The following RFPL1 variants were observed in gnomAD, a reference collection of about 807,000 sequenced individuals.
The protein encoded by RFPL1 is ret finger protein like 1.
In RFPL1, 6 loss-of-function variants were observed where a neutral mutation model predicts 9.6. The observed-to-expected ratio is 0.62, with a 90% CI of 0.34 to 1.23. RFPL1 has a LOEUF of 1.23. Ranked by LOEUF, RFPL1 falls within the 50% of genes most tolerant of loss-of-function variation. The probability of loss-of-function intolerance (pLI) is 0.03; values close to 1 mark genes in which losing one functional copy is unlikely to be tolerated. For synonymous variants in RFPL1, 145 were observed against 149.4 expected (o/e 0.97, Z 0.22); for missense variants, 352 against 398.4 (o/e 0.88, Z 0.99).
chr22:29,441,802 G>A (rs780304763), exon 2 of RFPL1: 12 of 1,613,882 alleles, frequency 7.4e-6, no homozygotes, highest in African/African-American at 2.7e-5. Context: ...TCTGACCACA[G>A]AGCGTGGATT....
At chr22:29,431,092 C>T in the RFPL1 span, among the ~76,000 whole-genome samples, 2 of 151,988 alleles carry the variant, frequency 1.3e-5, no homozygotes, top group African/African-American at 2.4e-5. Flanking sequence ...ATAAAAACCC[C>T]TTGTAAGTGG....
chr22:29,413,454 T>C, the RFPL1 span, among the ~76,000 whole-genome samples: 1 of 152,224 alleles, frequency 6.6e-6, no homozygotes, highest in African/African-American at 2.4e-5. Flanking sequence ...TTATTTTAAA[T>C]GTAGGGACAT....
chr22:29,402,269 T>G, the RFPL1 span, among the ~76,000 whole-genome samples: 1 of 152,232 alleles, frequency 6.6e-6, no homozygotes, highest in Non-Finnish European at 1.5e-5. Flanking sequence ...GTTAAATTAG[T>G]ATACCACAGC....
At chr22:29,424,887 T>C in the RFPL1 span, among the ~76,000 whole-genome samples, 1 of 131,990 alleles carries the variant, frequency 7.6e-6, no homozygotes, top group Non-Finnish European at 1.6e-5. Context: ...ATCCTATCTG[T>C]AGTTTTTATA....
chr22:29,430,472 C>T, the RFPL1 span, among the ~76,000 whole-genome samples: 12 of 152,106 alleles, frequency 7.9e-5, no homozygotes, highest in South Asian at 2.5e-3. Context: ...GTAATGGAAA[C>T]AGTAAAATTA....
chr22:29,413,275 T>C, the RFPL1 span, among the ~76,000 whole-genome samples: 1 of 152,076 alleles, frequency 6.6e-6, no homozygotes, highest in Non-Finnish European at 1.5e-5. Flanking sequence ...CACATGTTTA[T>C]ACAGCTCGAG....
At chr22:29,422,430 T>C in the RFPL1 span, among the ~76,000 whole-genome samples, 2 of 152,034 alleles carry the variant, frequency 1.3e-5, no homozygotes, top group Non-Finnish European at 2.9e-5. Context: ...AATACAAAAT[T>C]AGCCAGGCAT....
At chr22:29,391,782 C>T in the RFPL1 span, among the ~76,000 whole-genome samples, 5 of 152,206 alleles carry the variant, frequency 3.3e-5, no homozygotes, top group East Asian at 1.9e-4. Flanking sequence ...CCCACCCCCA[C>T]GCCCAGTGCA....
chr22:29,428,585 A>G, the RFPL1 span, among the ~76,000 whole-genome samples: 1 of 152,246 alleles, frequency 6.6e-6, no homozygotes, highest in African/African-American at 2.4e-5. Context: ...AGGATGGACC[A>G]CATGTTAGGT....
At chr22:29,425,865 CCTGGGCCACAGAG>C in the RFPL1 span, among the ~76,000 whole-genome samples, 1 of 151,754 alleles carries the variant, frequency 6.6e-6, no homozygotes. Context: ...TGCACCCCAT[CCTGGGCCACAGAG>C]CAAGACTTCA....
At chr22:29,401,338 T>C in the RFPL1 span, among the ~76,000 whole-genome samples, 1 of 152,236 alleles carries the variant, frequency 6.6e-6, no homozygotes, top group Non-Finnish European at 1.5e-5. Context: ...GTGTTACTTT[T>C]GAAAACATGA....
chr22:29,438,821 C>G (rs1172348840), exon 1 of RFPL1: 2 of 1,613,884 alleles, frequency 1.2e-6, no homozygotes, highest in Non-Finnish European at 1.7e-6. Context: ...TCACAACTAA[C>G]AGGCTTTCAC....
At chr22:29,422,736 T>G in the RFPL1 span, among the ~76,000 whole-genome samples, 9 of 151,432 alleles carry the variant, frequency 5.9e-5, no homozygotes, top group Non-Finnish European at 1.3e-4. Flanking sequence ...AGAGTGAAAC[T>G]CCATCTCAAA....
At chr22:29,412,749 G>A in the RFPL1 span, among the ~76,000 whole-genome samples, 8 of 152,128 alleles carry the variant, frequency 5.3e-5, no homozygotes, top group Non-Finnish European at 1.2e-4. Flanking sequence ...GTGCAGGTGT[G>A]GAAAGGTTTT....
At chr22:29,419,715 ATTGT>A in the RFPL1 span, among the ~76,000 whole-genome samples, 1 of 149,054 alleles carries the variant, frequency 6.7e-6, no homozygotes, top group East Asian at 2.0e-4. Flanking sequence ...AGGCTGGAGG[ATTGT>A]TTGAGGCCAG....
At chr22:29,417,090 A>G in the RFPL1 span, among the ~76,000 whole-genome samples, 3 of 152,052 alleles carry the variant, frequency 2.0e-5, no homozygotes, top group African/African-American at 7.2e-5. Flanking sequence ...CCAAAAGCCA[A>G]AATGTATGTG....
chr22:29,393,626 G>A, the RFPL1 span, among the ~76,000 whole-genome samples: 1 of 152,296 alleles, frequency 6.6e-6, no homozygotes, highest in East Asian at 1.9e-4. Context: ...AGGCCCAGGA[G>A]AAACTCCTTG....
upstream of RFPL1, chr22:29,437,353 T>G (rs907633125): frequency 1.1e-5 from 4 of 366,968 alleles, no homozygotes; most frequent in Non-Finnish European, 4.9e-6. Flanking sequence ...CAAGCAAAGC[T>G]TGAAGCCTAC....
At chr22:29,439,065 C>G (rs1269484273) in exon 1 of RFPL1, 31 of 1,614,022 alleles carry the variant, frequency 1.9e-5, no homozygotes, top group Non-Finnish European at 2.6e-5. Flanking sequence ...CAAAATCAGG[C>G]CCAGTTGGCA....
Sources: gnomAD v4.1 joint callset for allele counts (sites outside exome capture counted in the v4.1 genomes callset) on GRCh38, gnomAD v4.1.1 for gene constraint, MANE v1.5 for transcripts, NCBI Gene and HGNC (gene_info 2026-07-23, HGNC 2026-07-21) for gene names.